Variants in PITPNM3 observed in about 807,000 individuals in gnomAD.
The protein encoded by PITPNM3 is PITPNM family member 3.
In PITPNM3, 26 loss-of-function variants were observed where a neutral mutation model predicts 102.0. That is an observed-to-expected ratio of 0.25 (90% CI 0.19 to 0.35). The LOEUF is 0.35. PITPNM3 is among the 10% of genes least tolerant of loss of function. PITPNM3 has a pLI of 1.00. For missense variants in PITPNM3, 1,083 were observed against 1,346.1 expected, an observed-to-expected ratio of 0.80 and a Z score of 3.06; for synonymous variants, 578 against 558.6, an observed-to-expected ratio of 1.03 and a Z score of -0.49.
intron 3 of PITPNM3, among the ~76,000 whole-genome samples, chr17:6,510,119 G>A (rs1336132066): frequency 5.3e-5 from 8 of 152,102 alleles, no homozygotes; most frequent in East Asian, 1.9e-4. Context: ...ATGTTACATC[G>A]ATTGATTTTC....
chr17:6,503,697 A>T, intron 3 of PITPNM3, 123 bp from the exon 4 acceptor site: 1 of 962,276 alleles, frequency 1.0e-6, no homozygotes, highest in East Asian at 2.5e-5. Flanking sequence ...GGGCAGAAGT[A>T]TCTCCTACCA....
chr17:6,474,657 G>T, intron 9 of PITPNM3, 53 bp from the exon 10 acceptor site: 1 of 1,526,208 alleles, frequency 6.6e-7, no homozygotes, highest in Non-Finnish European at 8.8e-7. Context: ...GACCGAGAAT[G>T]CGGGAGTGTT....
chr17:6,465,174 G>A (rs143506873), intron 14 of PITPNM3, among the ~76,000 whole-genome samples: 19 of 152,322 alleles, frequency 1.2e-4, no homozygotes, highest in African/African-American at 3.6e-4. Context: ...AGCCTCCTGC[G>A]TAGCTGGGAT....
rs773528111 is a variant in PITPNM3, at chr17:6,481,985, C to CCT, written c.587+1530_587+1531dup. Among the ~76,000 whole-genome samples, 249 of 56,106 alleles carry CCT rather than the reference C, an allele frequency of 4.4e-3. 6 individuals carry two copies. Among genetic ancestry groups the CCT allele is most frequent in the Non-Finnish European group, 5.8e-3 (171 of 29,538 alleles). The allele number at this position is 56,106 out of a possible 152,430, so 36.8% of individuals were successfully genotyped here. On this transcript the variant is annotated intron_variant, in intron 6 of 19. Coordinates refer to ENST00000262483, the MANE Select transcript of PITPNM3 (RefSeq NM_031220.4). ...GGCACTTAGCCCTAGGAAAACAGAA[C>CCT]CTCTCTCTCTCTCTCTCTCTCTCTC...
chr17:6,464,607 C>G, intron 15 of PITPNM3, 48 bp downstream of exon 15: 2 of 1,552,794 alleles, frequency 1.3e-6, no homozygotes, highest in Non-Finnish European at 1.8e-6. Context: ...CCATGAGGCA[C>G]CTGGTGCAGG....
chr17:6,465,504 T>A (rs12600838), intron 14 of PITPNM3, among the ~76,000 whole-genome samples: 22,885 of 152,218 alleles, frequency 0.15, 3,003 homozygotes, highest in African/African-American at 0.35. Flanking sequence ...TGTCTTTTTT[T>A]TTAAGATAAA....
Position 6,469,033 on chromosome 17 carries a change from C to T in PITPNM3, c.1774-692G>A, listed in dbSNP as rs1904926059. On this transcript the variant is annotated intron_variant, in intron 13 of 19. Transcript: ENST00000262483. The surrounding 1 kb of genome is among the most constrained non-coding windows in gnomAD (Gnocchi z 4.0). Reference sequence around the variant, plus strand: ...ACCCCGCCTATCTCAGGGGTCCTCTCCCTACACTCTCTGGGTCCTCCAACC... The same window carrying T: ...ACCCCGCCTATCTCAGGGGTCCTCTTCCTACACTCTCTGGGTCCTCCAACC... 6.6e-6 allele frequency among the ~76,000 whole-genome samples: 1 copy of T among 152,110 alleles called. No homozygotes were observed. The highest frequency in any genetic ancestry group is 2.1e-4 in the South Asian group (1 of 4,826).
intron 15 of PITPNM3, 98 bp from the exon 16 acceptor site, chr17:6,464,416 C>A: frequency 7.6e-7 from 1 of 1,311,960 alleles, no homozygotes; most frequent in South Asian, 1.2e-5. Context: ...AGGTCCCTGC[C>A]TGACATTCCC....
intron 1 of PITPNM3, among the ~76,000 whole-genome samples, chr17:6,555,250 G>A (rs171395): frequency 0.044 from 6,689 of 152,244 alleles, 225 homozygotes; most frequent in South Asian, 0.13. Flanking sequence ...GAACGGGAGT[G>A]CATTCTCAGG....
chr17:6,522,286 G>GCGCGCGCA (rs145090085), intron 3 of PITPNM3, among the ~76,000 whole-genome samples: 10 of 149,316 alleles, frequency 6.7e-5, no homozygotes, highest in African/African-American at 2.5e-4. Context: ...TTTAGTGTGC[G>GCGCGCGCA]CACACACACA....
In PITPNM3 at chr17:6,455,280, G is replaced by T; in HGVS notation, c.*58C>A. 6.6e-7 allele frequency: 1 copy of T among 1,512,628 alleles called. No homozygotes were observed. The highest frequency in any genetic ancestry group is 1.3e-5 in the South Asian group (1 of 77,386). 93.7% of individuals were successfully genotyped at this position (1,512,628 alleles called of 1,614,324 possible). A position where few individuals can be genotyped will look rare whatever the true frequency, so the allele number is the denominator to read the frequency against. On this transcript the variant is annotated 3_prime_UTR_variant, in exon 20 of 20. Transcript: ENST00000262483. ...GTCGGGGAGAGGGCAGCCCCCTCCCGTCCCCGCAGGCAGCCTGATTGGGCC... is the reference window on the plus strand; with the variant it reads ...GTCGGGGAGAGGGCAGCCCCCTCCCTTCCCCGCAGGCAGCCTGATTGGGCC...
intron 1 of PITPNM3, among the ~76,000 whole-genome samples, chr17:6,551,341 G>A (rs377554742): frequency 2.1e-4 from 32 of 149,578 alleles, no homozygotes; most frequent in African/African-American, 6.2e-4. Context: ...CAGCTTCGGC[G>A]ACAGAGCGAG....
In PITPNM3 at chr17:6,483,757, G is replaced by A. The variant is rs760013043; in HGVS notation, c.352-5C>T. The A allele has an allele frequency of 2.2e-5, 35 of 1,610,394 alleles. No individual in the cohort carries two copies. Among genetic ancestry groups the A allele is most frequent in the Non-Finnish European group, 2.8e-5 (33 of 1,179,966 alleles). ...GGAGCGCTGCGGGCAGCCTTCCTGAGAGCCAAGGCGGTTGGAATACAGAGA... is the reference window on the plus strand; with the variant it reads ...GGAGCGCTGCGGGCAGCCTTCCTGAAAGCCAAGGCGGTTGGAATACAGAGA... On this transcript the variant is annotated splice_region_variant and splice_polypyrimidine_tract_variant and intron_variant, in intron 5 of 19. Transcript: ENST00000262483.
At chr17:6,464,842 T>G (rs1597363024) in intron 14 of PITPNM3, 71 bp from the exon 15 acceptor site, 1 of 1,414,556 alleles carries the variant, frequency 7.1e-7, no homozygotes, top group Non-Finnish European at 1.0e-6. Context: ...ATTGCAGTGT[T>G]CCTCAGACTG....
chr17:6,512,128 G>A (rs1334597729), intron 3 of PITPNM3, among the ~76,000 whole-genome samples: 1 of 152,202 alleles, frequency 6.6e-6, no homozygotes, highest in Non-Finnish European at 1.5e-5. Context: ...CTGTCCCAAA[G>A]TGTGAGAAAG....
intron 4 of PITPNM3, among the ~76,000 whole-genome samples, chr17:6,502,226 G>C (rs1290548392): frequency 3.3e-5 from 5 of 152,256 alleles, no homozygotes; most frequent in Admixed American, 1.3e-4. Flanking sequence ...AAGGCGGGCA[G>C]ATCACCTGAG....
chr17:6,520,793 TACTC>T (rs1908463517), intron 3 of PITPNM3, among the ~76,000 whole-genome samples: 1 of 152,206 alleles, frequency 6.6e-6, no homozygotes, highest in Non-Finnish European at 1.5e-5. Flanking sequence ...AAGGGAAAGT[TACTC>T]AGCCCCCAAA....
Position 6,483,747 on chromosome 17 carries a change from G to A in PITPNM3, c.357C>T (p.Gly119=). Residue 119 remains glycine, a synonymous_variant, in exon 6 of 20, where the codon GGC becomes GGT. Coordinates refer to ENST00000262483, the MANE Select transcript of PITPNM3 (RefSeq NM_031220.4). ...GTGTCTTGCAGGAGCGCTGCGGGCA[G>A]CCTTCCTGAGAGCCAAGGCGGTTGG... The part of the protein sequence containing the change: ...SIEIHEDSEE[G]CPQRSCKTHV... 1 of 1,611,752 alleles carries A rather than the reference G, an allele frequency of 6.2e-7. No homozygotes were observed. Among genetic ancestry groups the A allele is most frequent in the Non-Finnish European group, 8.5e-7 (1 of 1,180,002 alleles).
intron 1 of PITPNM3, among the ~76,000 whole-genome samples, chr17:6,547,710 G>A (rs1431658394): frequency 6.6e-6 from 1 of 152,166 alleles, no homozygotes; most frequent in Non-Finnish European, 1.5e-5. Context: ...CTCCTCAAAG[G>A]ACGCTGGGGT....
Sources: allele counts gnomAD v4.1 joint callset (sites outside exome capture counted in the v4.1 genomes callset), GRCh38; gene constraint gnomAD v4.1.1; non-coding constraint Gnocchi (gnomAD v3.1); transcripts MANE v1.5; gene names NCBI Gene and HGNC (gene_info 2026-07-23, HGNC 2026-07-21).